PDE10A: variants seen among roughly 807,000 people sequenced by gnomAD.
PDE10A encodes cAMP and cAMP-inhibited cGMP 3',5'-cyclic phosphodiesterase 10A.
PDE10A carries 39 observed loss-of-function variants against 97.7 expected under a neutral mutation model. The ratio of observed to expected loss-of-function variants is 0.40; its 90% CI spans 0.31 to 0.52. The LOEUF (loss-of-function observed/expected upper bound fraction) is 0.52, where lower values mean the gene tolerates loss of function less well. PDE10A is among the 20% of genes least tolerant of loss of function. The pLI is 0.56. For synonymous variants in PDE10A, 371 were observed against 376.8 expected, an observed-to-expected ratio of 0.98 and a Z score of 0.18; for missense variants, 731 against 1,047.8, an observed-to-expected ratio of 0.70 and a Z score of 4.17.
chr6:165,609,076 G>A (rs1202315140), intron 1 of PDE10A, among the ~76,000 whole-genome samples: 3 of 152,114 alleles, frequency 2.0e-5, no homozygotes, highest in African/African-American at 7.2e-5. Flanking sequence ...CACTCTGATG[G>A]TAGTTTCTTT....
intron 1 of PDE10A, among the ~76,000 whole-genome samples, chr6:165,782,681 A>G (rs1359912819): frequency 2.6e-5 from 4 of 152,184 alleles, no homozygotes; most frequent in Admixed American, 6.5e-5. Context: ...TTCATCATAA[A>G]CTAATTCTAA....
intron 1 of PDE10A, among the ~76,000 whole-genome samples, chr6:165,725,968 C>T (rs117711539): frequency 7.2e-5 from 11 of 152,264 alleles, no homozygotes; most frequent in Admixed American, 2.0e-4. Flanking sequence ...AGGACAGGAA[C>T]GGAGTTCAAT....
chr6:165,625,087 T>C (rs56228667), intron 1 of PDE10A, among the ~76,000 whole-genome samples: 32,921 of 152,134 alleles, frequency 0.22, 4,820 homozygotes, highest in African/African-American at 0.42. Context: ...GAGAGAGTGC[T>C]GGAGAGACGG....
At chr6:165,729,279 A>T (rs1792368712) in intron 1 of PDE10A, among the ~76,000 whole-genome samples, 1 of 152,210 alleles carries the variant, frequency 6.6e-6, no homozygotes, top group South Asian at 2.1e-4. Flanking sequence ...AAATGGAAAA[A>T]TCCCCAAAAT....
At chr6:165,606,606 G>A (rs1431813719) in intron 1 of PDE10A, among the ~76,000 whole-genome samples, 1 of 152,084 alleles carries the variant, frequency 6.6e-6, no homozygotes, top group East Asian at 1.9e-4. Flanking sequence ...ATACCCAGGA[G>A]GAAAACCAGA....
intron 18 of PDE10A, among the ~76,000 whole-genome samples, chr6:165,358,750 C>T (rs948517124): frequency 1.3e-5 from 2 of 151,808 alleles, no homozygotes; most frequent in African/African-American, 4.8e-5. Flanking sequence ...TCTGTTTTTG[C>T]TCCTCTTGTC....
At chr6:165,539,710 CAGG>C in intron 2 of PDE10A, among the ~76,000 whole-genome samples, 1 of 151,988 alleles carries the variant, frequency 6.6e-6, no homozygotes, top group East Asian at 1.9e-4. Flanking sequence ...CACTTGAGGT[CAGG>C]ATTGGGAGAC....
rs1784208462 is a variant in PDE10A, at chr6:165,371,057, A to T, written c.2783+8137T>A. On this transcript the variant is annotated intron_variant, in intron 18 of 21. Transcript: ENST00000539869. ...GAGAACAAAGACACAACATACCAGA[A>T]TCTCTGGGACACATTCAAAGCAGTG... Among the ~76,000 whole-genome samples the T allele has an allele frequency of 2.0e-5, 3 of 146,620 alleles. No homozygotes were observed. In the South Asian group the frequency reaches 6.5e-4, roughly 32 times the overall value.
At chr6:165,486,598 C>A (rs963696641) in intron 2 of PDE10A, among the ~76,000 whole-genome samples, 1 of 152,154 alleles carries the variant, frequency 6.6e-6, no homozygotes, top group Non-Finnish European at 1.5e-5. Context: ...CACGTCTGTT[C>A]GCACAGCTCT....
At chr6:165,917,094 T>A (rs1782626852) in intron 1 of PDE10A, among the ~76,000 whole-genome samples, 1 of 152,182 alleles carries the variant, frequency 6.6e-6, no homozygotes, top group Non-Finnish European at 1.5e-5. Context: ...CTGAAATTCC[T>A]TTGGATTTCC....
At chr6:165,987,330 C>T (rs907226860) in intron 1 of PDE10A, among the ~76,000 whole-genome samples, 10 of 152,152 alleles carry the variant, frequency 6.6e-5, no homozygotes, top group Non-Finnish European at 1.0e-4. Flanking sequence ...CTCGAGTCCA[C>T]TCATCACCCT....
At chr6:165,516,383 T>G (rs758392242) in intron 2 of PDE10A, among the ~76,000 whole-genome samples, 5 of 152,204 alleles carry the variant, frequency 3.3e-5, no homozygotes, top group Non-Finnish European at 2.9e-5. Flanking sequence ...CCTCCTTAAT[T>G]TATGAGTCAT....
chr6:165,419,207 C>G (rs1232411698), intron 10 of PDE10A, among the ~76,000 whole-genome samples: 1 of 152,178 alleles, frequency 6.6e-6, no homozygotes, highest in Non-Finnish European at 1.5e-5. Flanking sequence ...ACCACTCATT[C>G]TGATTAGTTG....
chr6:165,824,766 T>C (rs1490259103), intron 1 of PDE10A, among the ~76,000 whole-genome samples: 1 of 151,900 alleles, frequency 6.6e-6, no homozygotes, highest in Non-Finnish European at 1.5e-5. Context: ...ATATTTCTTA[T>C]GGAAAAAAAA....
rs1463169918 is a variant in PDE10A at position 165,329,236 on chromosome 6, G to A, written c.*3789C>T. 4 of 152,114 alleles carry A rather than the reference G, an allele frequency of 2.6e-5. No homozygotes were observed. The highest frequency in any genetic ancestry group is 4.1e-4 in the South Asian group (2 of 4,826). 9.4% of individuals were successfully genotyped at this position (152,114 alleles called of 1,614,324 possible). The stretch of plus-strand genomic sequence containing the variant: ...GTCACAGTTCTCTGAAGTTCTTGCC[G>A]AAAAGACTGACTCTGAACAGTTCAC... On this transcript the variant is annotated 3_prime_UTR_variant, in exon 22 of 22. Coordinates refer to ENST00000539869, the MANE Select transcript of PDE10A (RefSeq NM_001385079.1).
intron 1 of PDE10A, among the ~76,000 whole-genome samples, chr6:165,838,923 A>T (rs1041474061): frequency 6.6e-6 from 1 of 152,210 alleles, no homozygotes; most frequent in African/African-American, 2.4e-5. Flanking sequence ...AGGACGTTCC[A>T]TGATACTGTC....
intron 18 of PDE10A, among the ~76,000 whole-genome samples, chr6:165,375,216 CA>C (rs2128204993): frequency 6.6e-6 from 1 of 152,104 alleles, no homozygotes; most frequent in South Asian, 2.1e-4. Flanking sequence ...CTTAGGAAGG[CA>C]CATCTAAAGC....
intron 1 of PDE10A, among the ~76,000 whole-genome samples, chr6:165,894,949 T>G (rs1781905652): frequency 1.3e-5 from 2 of 151,918 alleles, no homozygotes; most frequent in African/African-American, 4.8e-5. Flanking sequence ...ATTCAGTAGG[T>G]TTGGGTAGAA....
chr6:165,605,823 G>A (rs946350305), intron 1 of PDE10A, among the ~76,000 whole-genome samples: 2 of 152,106 alleles, frequency 1.3e-5, no homozygotes, highest in South Asian at 2.1e-4. Context: ...GGAGAGTGGG[G>A]AGAGAGACAC....
Sources: gnomAD v4.1 joint callset for allele counts (sites outside exome capture counted in the v4.1 genomes callset) on GRCh38, gnomAD v4.1.1 for gene constraint, MANE v1.5 for transcripts, NCBI Gene and HGNC (gene_info 2026-07-23, HGNC 2026-07-21) for gene names.